The following TLE1 variants were observed in gnomAD, a reference collection of about 807,000 sequenced individuals.
TLE1 encodes transducin-like enhancer protein 1.
A neutral mutation model predicts 89.8 loss-of-function variants in TLE1; 21 were observed. The observed-to-expected ratio is 0.23, with a 90% confidence interval of 0.17 to 0.34. The LOEUF (loss-of-function observed/expected upper bound fraction) is 0.34, where lower values mean the gene tolerates loss of function less well. Among genes scored for constraint, TLE1 ranks in the 10% least tolerant of loss-of-function variants. The pLI is 1.00. For missense variants in TLE1, 795 were observed against 1,031.2 expected (o/e 0.77, Z 3.14); for synonymous variants, 447 against 407.6 (o/e 1.10, Z -1.16).
At chr9:81,645,721 C>G (rs182014450) in intron 6 of TLE1, among the ~76,000 whole-genome samples, 3 of 151,854 alleles carry the variant, frequency 2.0e-5, no homozygotes, top group African/African-American at 7.3e-5. Flanking sequence ...GCCTGGGCAA[C>G]AAGAGTGAAA....
At chr9:81,654,393 T>G (rs1377899409) in intron 4 of TLE1, among the ~76,000 whole-genome samples, 2 of 152,224 alleles carry the variant, frequency 1.3e-5, no homozygotes, top group East Asian at 3.9e-4. Flanking sequence ...CAGGCTGGAG[T>G]GCAGTGGCAC....
chr9:81,630,417 T>C (rs922866047), intron 8 of TLE1, among the ~76,000 whole-genome samples: 11 of 152,250 alleles, frequency 7.2e-5, no homozygotes, highest in Non-Finnish European at 1.5e-4. Context: ...AAAGTTATTT[T>C]TCATTAATAA....
intron 4 of TLE1, among the ~76,000 whole-genome samples, chr9:81,667,945 C>A (rs1474284366): frequency 6.6e-6 from 1 of 152,028 alleles, no homozygotes; most frequent in African/African-American, 2.4e-5. Flanking sequence ...GGGTGGATTG[C>A]CTGAGGCCAA....
intron 8 of TLE1, among the ~76,000 whole-genome samples, chr9:81,621,385 C>A (rs546301591): frequency 1.3e-5 from 2 of 152,310 alleles, no homozygotes; most frequent in East Asian, 1.9e-4. Context: ...ACAATGAGTT[C>A]TTTTAAGTGT....
intron 8 of TLE1, among the ~76,000 whole-genome samples, chr9:81,632,754 T>C (rs1435414136): frequency 7.3e-6 from 1 of 137,006 alleles, no homozygotes; most frequent in Non-Finnish European, 1.7e-5. Context: ...TTTCCTTCTT[T>C]TTAAGAGCTT....
chr9:81,622,107 CT>C (rs1825342769), intron 8 of TLE1, among the ~76,000 whole-genome samples: 1 of 152,226 alleles, frequency 6.6e-6, no homozygotes, highest in Non-Finnish European at 1.5e-5. Flanking sequence ...TGCAGGAGAC[CT>C]AACTCTTGCA....
chr9:81,684,688 T>C (rs1427613281), intron 4 of TLE1, among the ~76,000 whole-genome samples: 5 of 152,232 alleles, frequency 3.3e-5, no homozygotes, highest in Non-Finnish European at 7.3e-5. Context: ...CAAGTAAGAA[T>C]TGTATTGTTG....
chr9:81,613,990 C>T, intron 11 of TLE1, among the ~76,000 whole-genome samples: 1 of 150,206 alleles, frequency 6.7e-6, no homozygotes, highest in African/African-American at 2.5e-5. Flanking sequence ...CTACTACAAG[C>T]TCCGCCTCCC....
intron 18 of TLE1, among the ~76,000 whole-genome samples, 162 bp from the exon 19 acceptor site, chr9:81,584,686 A>G (rs370478670): frequency 6.6e-6 from 1 of 152,170 alleles, no homozygotes; most frequent in Non-Finnish European, 1.5e-5. Context: ...TGGGCTCCTC[A>G]GTGATTTATC....
At chr9:81,642,145 G>C (rs1334282305) in intron 6 of TLE1, among the ~76,000 whole-genome samples, 2 of 152,172 alleles carry the variant, frequency 1.3e-5, no homozygotes, top group Non-Finnish European at 2.9e-5. Context: ...ACTGTTCTTA[G>C]GAATGTAAAT....
At chr9:81,624,649 C>T (rs539475278) in intron 8 of TLE1, among the ~76,000 whole-genome samples, 1 of 152,184 alleles carries the variant, frequency 6.6e-6, no homozygotes, top group Non-Finnish European at 1.5e-5. Context: ...TTTTATTTCA[C>T]CTTGCAGCTG....
At chr9:81,680,718 T>C (rs1833507425) in intron 4 of TLE1, among the ~76,000 whole-genome samples, 1 of 151,978 alleles carries the variant, frequency 6.6e-6, no homozygotes, top group Non-Finnish European at 1.5e-5. Flanking sequence ...TCTTTTAACT[T>C]ATGCTTGCAA....
At chr9:81,679,552 C>T (rs1475110701) in intron 4 of TLE1, among the ~76,000 whole-genome samples, 3 of 152,056 alleles carry the variant, frequency 2.0e-5, no homozygotes, top group African/African-American at 4.8e-5. Flanking sequence ...CCTGCGCATC[C>T]TAGTTCCACT....
At chr9:81,607,352 A>ACC (rs996780595) in intron 14 of TLE1, among the ~76,000 whole-genome samples, 1 of 151,706 alleles carries the variant, frequency 6.6e-6, no homozygotes, top group African/African-American at 2.4e-5. Context: ...ACACACACAC[A>ACC]CACATATAAG....
At chr9:81,595,539 C>T (rs899365312) in intron 14 of TLE1, among the ~76,000 whole-genome samples, 1 of 152,148 alleles carries the variant, frequency 6.6e-6, no homozygotes, top group African/African-American at 2.4e-5. Context: ...ACAATTGAGG[C>T]TGGGCGCGGT....
At chr9:81,616,843 A>C (rs1824583811) in intron 9 of TLE1, 144 bp from the exon 10 acceptor site, 1 of 812,540 alleles carries the variant, frequency 1.2e-6, no homozygotes, top group East Asian at 2.6e-5. Context: ...TCAGTTTGCC[A>C]GTCCTAGTAA....
chr9:81,606,772 T>C (rs1386102413), intron 14 of TLE1, among the ~76,000 whole-genome samples: 2 of 149,976 alleles, frequency 1.3e-5, no homozygotes, highest in South Asian at 4.2e-4. Flanking sequence ...ACTTAAAGTA[T>C]AATTAAAAAA....
chr9:81,624,489 C>T (rs1001303501), intron 8 of TLE1, among the ~76,000 whole-genome samples: 2 of 152,162 alleles, frequency 1.3e-5, no homozygotes, highest in Non-Finnish European at 2.9e-5. Context: ...AGATTTTAAT[C>T]TACCAAACAG....
At chr9:81,611,445 C>T (rs1823695940) in intron 13 of TLE1, among the ~76,000 whole-genome samples, 1 of 151,288 alleles carries the variant, frequency 6.6e-6, no homozygotes, top group Admixed American at 6.6e-5. Flanking sequence ...TCATCGCCTT[C>T]AAATAAAAAA....
Sources: gnomAD v4.1 joint callset for allele counts (sites outside exome capture counted in the v4.1 genomes callset) on GRCh38, gnomAD v4.1.1 for gene constraint, MANE v1.5 for transcripts, NCBI Gene and HGNC (gene_info 2026-07-23, HGNC 2026-07-21) for gene names.